The following LRRC37A2 variants were observed in gnomAD, a reference collection of about 807,000 sequenced individuals.
The protein encoded by LRRC37A2 is leucine-rich repeat-containing protein 37A2.
Under a neutral mutation model 68.8 loss-of-function variants are expected in LRRC37A2, and 9 were observed. The ratio of observed to expected loss-of-function variants is 0.13; its 90% CI spans 0.08 to 0.23. The LOEUF is 0.23. Among genes scored for constraint, LRRC37A2 ranks in the 10% least tolerant of loss-of-function variants. The pLI, the probability that LRRC37A2 is intolerant of heterozygous loss-of-function variation, is 1.00. For missense variants in LRRC37A2, 168 were observed against 950.4 expected (o/e 0.18, Z 10.82); for synonymous variants, 63 against 367.6 (o/e 0.17, Z 9.48).
the LRRC37A2 span, among the ~76,000 whole-genome samples, chr17:46,852,203 G>C: frequency 6.6e-5 from 10 of 152,368 alleles, no homozygotes; most frequent in Admixed American, 1.3e-4. Flanking sequence ...TGGATGGGTG[G>C]GACGGGCTGT....
the LRRC37A2 span, among the ~76,000 whole-genome samples, chr17:46,736,660 A>G: frequency 2.6e-5 from 4 of 152,260 alleles, no homozygotes; most frequent in South Asian, 6.2e-4. Flanking sequence ...ACTTAGCAGT[A>G]TAACTGTCAA....
the LRRC37A2 span, among the ~76,000 whole-genome samples, chr17:46,976,598 C>T: frequency 1.3e-5 from 2 of 152,092 alleles, no homozygotes; most frequent in Admixed American, 6.5e-5. Flanking sequence ...GACTCGTTCT[C>T]TTCTCGCCCC....
chr17:46,929,321 A>C, the LRRC37A2 span, among the ~76,000 whole-genome samples: 2 of 152,202 alleles, frequency 1.3e-5, no homozygotes, highest in Non-Finnish European at 2.9e-5. Flanking sequence ...TAATCTGCCT[A>C]TCAGTGTTAT....
At chr17:46,790,730 G>A in the LRRC37A2 span, among the ~76,000 whole-genome samples, 1 of 152,194 alleles carries the variant, frequency 6.6e-6, no homozygotes, top group Admixed American at 6.5e-5. Context: ...CACGGCCACA[G>A]AAGCAAAACT....
At chr17:47,018,365 A>G in the LRRC37A2 span, 1 of 1,611,020 alleles carries the variant, frequency 6.2e-7, no homozygotes, top group Non-Finnish European at 8.5e-7. Context: ...AACATCATGA[A>G]GTCACAGTTT....
the LRRC37A2 span, among the ~76,000 whole-genome samples, chr17:46,718,907 T>C: frequency 1.3e-5 from 2 of 152,312 alleles, no homozygotes; most frequent in Non-Finnish European, 2.9e-5. Context: ...AGAAGTGGGA[T>C]TGCTAAGGTA....
the LRRC37A2 span, among the ~76,000 whole-genome samples, chr17:46,999,998 CAAAATAAAATAAAAT>C: frequency 2.1e-3 from 101 of 48,422 alleles, 8 homozygotes; most frequent in Non-Finnish European, 3.0e-3. Flanking sequence ...GACTCCATCT[CAAAATAAAATAAAAT>C]AAAATAAAAT....
the LRRC37A2 span, chr17:46,722,071 C>T: frequency 2.5e-6 from 4 of 1,610,858 alleles, no homozygotes; most frequent in Non-Finnish European, 3.4e-6. Context: ...GGTCCGAGTT[C>T]ATCTCCAGCT....
the LRRC37A2 span, among the ~76,000 whole-genome samples, chr17:46,894,369 G>A: frequency 1.4e-4 from 22 of 152,272 alleles, no homozygotes; most frequent in Middle Eastern, 3.4e-3. Flanking sequence ...CAGCCTACCC[G>A]ACCTTGGGTT....
chr17:46,900,961 G>A, the LRRC37A2 span, among the ~76,000 whole-genome samples: 3 of 152,110 alleles, frequency 2.0e-5, no homozygotes, highest in South Asian at 2.1e-4. Flanking sequence ...ATAAATAAAC[G>A]AAAAGCAATG....
At chr17:46,873,229 C>T in the LRRC37A2 span, among the ~76,000 whole-genome samples, 1 of 152,072 alleles carries the variant, frequency 6.6e-6, no homozygotes, top group East Asian at 1.9e-4. Flanking sequence ...CTTTATCTGT[C>T]CCTTTGTTTG....
At chr17:46,978,565 A>AT in the LRRC37A2 span, 1 of 1,470,232 alleles carries the variant, frequency 6.8e-7, no homozygotes, top group Non-Finnish European at 9.0e-7. Context: ...GCGGCGGCAG[A>AT]GCGCAGAGAG....
At chr17:46,817,798 GAAC>G in the LRRC37A2 span, among the ~76,000 whole-genome samples, 1 of 152,092 alleles carries the variant, frequency 6.6e-6, no homozygotes, top group African/African-American at 2.4e-5. Context: ...TTTGGTCAAA[GAAC>G]AACAAGCCTA....
At chr17:46,854,329 A>G in the LRRC37A2 span, among the ~76,000 whole-genome samples, 5 of 152,248 alleles carry the variant, frequency 3.3e-5, no homozygotes, top group African/African-American at 1.2e-4. Context: ...CTTCCTCCGC[A>G]GTCATTTGCA....
the LRRC37A2 span, chr17:46,714,078 A>G: frequency 7.7e-7 from 1 of 1,306,220 alleles, no homozygotes; most frequent in Non-Finnish European, 1.0e-6. Flanking sequence ...ATACATATAA[A>G]CCCATAGCAA....
At chr17:46,381,107 A>G in the LRRC37A2 span, among the ~76,000 whole-genome samples, 2 of 9,014 alleles carry the variant, frequency 2.2e-4, 1 homozygote, top group Non-Finnish European at 0.011. Context: ...AAAAAAAAAA[A>G]AAAAAAAAAA....
intron 8 of LRRC37A2, among the ~76,000 whole-genome samples, chr17:46,543,347 T>C (rs1385167161): frequency 2.7e-5 from 4 of 150,676 alleles, no homozygotes; most frequent in African/African-American, 1.0e-4. Context: ...GTCTCAAAGA[T>C]TTGTCAGTAT....
chr17:46,392,028 T>C, the LRRC37A2 span, among the ~76,000 whole-genome samples: 1 of 51,822 alleles, frequency 1.9e-5, no homozygotes, highest in Non-Finnish European at 4.3e-5. Flanking sequence ...ATGAGAAACC[T>C]CTCAATATTA....
chr17:46,666,025 A>G, the LRRC37A2 span, among the ~76,000 whole-genome samples: 1 of 146,176 alleles, frequency 6.8e-6, no homozygotes, highest in Admixed American at 7.0e-5. Context: ...AGCTCGTCCC[A>G]GGTGAATGCC....
Sources: allele counts gnomAD v4.1 joint callset (sites outside exome capture counted in the v4.1 genomes callset), GRCh38; gene constraint gnomAD v4.1.1; transcripts MANE v1.5; gene names NCBI Gene and HGNC (gene_info 2026-07-23, HGNC 2026-07-21).